Variants in PITPNM3 observed in about 807,000 individuals in gnomAD.
PITPNM3 encodes PITPNM family member 3.
PITPNM3 carries 26 observed loss-of-function variants against 102.0 expected under a neutral mutation model. The observed-to-expected ratio is 0.25, with a 90% CI of 0.19 to 0.35. The LOEUF (loss-of-function observed/expected upper bound fraction) is 0.35, where lower values mean the gene tolerates loss of function less well. Among genes scored for constraint, PITPNM3 ranks in the 10% least tolerant of loss-of-function variants. The pLI, the probability that PITPNM3 is intolerant of heterozygous loss-of-function variation, is 1.00. For missense variants in PITPNM3, 1,083 were observed against 1,346.1 expected (o/e 0.80, Z 3.06); for synonymous variants, 578 against 558.6 (o/e 1.03, Z -0.49).
chr17:6,553,276 A>G (rs1384040547), intron 1 of PITPNM3, among the ~76,000 whole-genome samples: 1 of 152,056 alleles, frequency 6.6e-6, no homozygotes, highest in African/African-American at 2.4e-5. Context: ...TGGGGCCACC[A>G]TAAATGATGC....
rs376994581 is a variant in PITPNM3, at chr17:6,454,066, G to T, written c.*1272C>A. The T allele has an allele frequency of 6.6e-6, 1 of 152,510 alleles. No individual in the cohort carries two copies. The highest frequency in any genetic ancestry group is 2.4e-5 in the African/African-American group (1 of 41,466). The allele number at this position is 152,510 out of a possible 1,614,324, so 9.4% of individuals were successfully genotyped here. On this transcript the variant is annotated 3_prime_UTR_variant, in exon 20 of 20. Coordinates refer to ENST00000262483, the MANE Select transcript of PITPNM3 (RefSeq NM_031220.4). ...TATGGGCACAAACTGAGCAGCAGGGGAAAGGGAAGAGAATACAACAGTTGG... is the reference window on the plus strand; with the variant it reads ...TATGGGCACAAACTGAGCAGCAGGGTAAAGGGAAGAGAATACAACAGTTGG...
At position 6,527,825 on chromosome 17, in the gene PITPNM3, G is replaced by A. The variant is rs143759449; in HGVS notation, c.119-2362C>T. Among the ~76,000 whole-genome samples, 652 of 152,280 alleles carry A rather than the reference G, an allele frequency of 4.3e-3. 6 individuals are homozygous for A. The highest frequency in any genetic ancestry group is 0.014 in the African/African-American group (599 of 41,558). On this transcript the variant is annotated intron_variant, in intron 2 of 19. Coordinates refer to ENST00000262483, the MANE Select transcript of PITPNM3 (RefSeq NM_031220.4). ...GCTAAGAGAGCCAGGTATGCAGCAG[G>A]CACTCAGCACATCCTAGCTTTCTTC...
intron 3 of PITPNM3, among the ~76,000 whole-genome samples, chr17:6,519,199 C>A (rs536257168): frequency 2.0e-3 from 67 of 33,120 alleles, no homozygotes; most frequent in South Asian, 3.1e-3. Context: ...TAGCCGGGCG[C>A]GGTGGCGGGC....
intron 2 of PITPNM3, among the ~76,000 whole-genome samples, chr17:6,528,446 G>A (rs1444957341): frequency 1.3e-5 from 2 of 152,066 alleles, no homozygotes; most frequent in African/African-American, 4.8e-5. Flanking sequence ...CTATGTGTGT[G>A]TGCACGTGTG....
chr17:6,538,473 A>G (rs1015980933), intron 1 of PITPNM3, among the ~76,000 whole-genome samples: 3 of 152,194 alleles, frequency 2.0e-5, no homozygotes, highest in African/African-American at 4.8e-5. Flanking sequence ...GTTGGAAGGG[A>G]GCTCTGCTCA....
Position 6,508,255 on chromosome 17 carries a change from C to T in PITPNM3, c.227-4681G>A, listed in dbSNP as rs532381576. Among the ~76,000 whole-genome samples the T allele has an allele frequency of 1.2e-3, 186 of 152,332 alleles. 1 individual carries two copies. The South Asian group carries it at 0.037, about 31-fold the overall frequency. ...GACTCCTCAAAGCCAGCCCTGAGTG[C>T]GGCCTCAGCTGCATAAGCCTTGAAG... On this transcript the variant is annotated intron_variant, in intron 3 of 19. Transcript: ENST00000262483.
At chr17:6,554,862 A>G (rs1473431778) in intron 1 of PITPNM3, among the ~76,000 whole-genome samples, 2 of 152,238 alleles carry the variant, frequency 1.3e-5, no homozygotes, top group Non-Finnish European at 2.9e-5. Flanking sequence ...ATCACGGTAC[A>G]GTAAAGAGCT....
chr17:6,495,630 C>A lies in PITPNM3; in HGVS notation c.274+7897G>T, dbSNP rs542246529. 6.8e-4 allele frequency among the ~76,000 whole-genome samples: 104 copies of A among 152,272 alleles called. 2 individuals are homozygous for A. In the South Asian group the frequency reaches 0.02, roughly 30 times the overall value. ...CTGGGTTCTGGGGTCCTCGTGCTCA[C>A]CGCTGTGGACGAAGGACCCCTTGCA... is the stretch of plus-strand genomic sequence containing the variant. On this transcript the variant is annotated intron_variant, in intron 4 of 19. Coordinates refer to ENST00000262483, the MANE Select transcript of PITPNM3 (RefSeq NM_031220.4).
chr17:6,540,550 T>A (rs1354763257), intron 1 of PITPNM3, among the ~76,000 whole-genome samples: 3 of 152,252 alleles, frequency 2.0e-5, no homozygotes, highest in African/African-American at 7.2e-5. Flanking sequence ...ATGTCTCCCT[T>A]TTATTATTGC....
At chr17:6,523,769 G>A (rs893120784) in intron 3 of PITPNM3, among the ~76,000 whole-genome samples, 1 of 152,248 alleles carries the variant, frequency 6.6e-6, no homozygotes, top group African/African-American at 2.4e-5. Flanking sequence ...CGACTGGTAA[G>A]TTGTCTCTGG....
At chr17:6,503,168 C>T (rs1597388588) in intron 4 of PITPNM3, among the ~76,000 whole-genome samples, 1 of 152,172 alleles carries the variant, frequency 6.6e-6, no homozygotes, top group South Asian at 2.1e-4. Flanking sequence ...TCCCCATCCC[C>T]GTCCTCCTCT....
Position 6,472,963 on chromosome 17 carries a change from G to A in PITPNM3, c.1259-136C>T, listed in dbSNP as rs1905134266. ...TCCCCGGGCTCCCTGCTCCCCACGG[G>A]AACAAAGCCATTACGTTCAGTTTGT... On this transcript the variant is annotated intron_variant, in intron 10 of 19. Coordinates refer to ENST00000262483, the MANE Select transcript of PITPNM3 (RefSeq NM_031220.4). This position sits in a 1 kb window ranked among gnomAD's most constrained non-coding sequence, Gnocchi z 4.1. 9.2e-7 allele frequency: 1 copy of A among 1,082,914 alleles called. No homozygotes were observed. The highest frequency in any genetic ancestry group is 1.6e-5 in the African/African-American group (1 of 63,682). The allele number at this position is 1,082,914 out of a possible 1,614,324, so 67.1% of individuals were successfully genotyped here. A position where few individuals can be genotyped will look rare whatever the true frequency, so the allele number is the denominator to read the frequency against.
chr17:6,534,849 TC>T (rs537995181), intron 2 of PITPNM3, among the ~76,000 whole-genome samples: 25 of 152,152 alleles, frequency 1.6e-4, no homozygotes, highest in Admixed American at 1.5e-3. Context: ...ATGCAGGAGC[TC>T]TCAGGGACAG....
At chr17:6,525,281 C>T in intron 3 of PITPNM3, 75 bp downstream of exon 3, 2 of 1,322,450 alleles carry the variant, frequency 1.5e-6, no homozygotes, top group Non-Finnish European at 1.1e-6. Flanking sequence ...GCCCCAGCCC[C>T]AGTCACCAGC....
intron 2 of PITPNM3, among the ~76,000 whole-genome samples, chr17:6,535,175 C>T (rs1272455845): frequency 2.6e-5 from 4 of 151,188 alleles, no homozygotes; most frequent in South Asian, 4.2e-4. Context: ...CATGCTCAAG[C>T]GGAAGACAGA....
chr17:6,512,132 G>A (rs1196412703), intron 3 of PITPNM3, among the ~76,000 whole-genome samples: 1 of 152,200 alleles, frequency 6.6e-6, no homozygotes, highest in East Asian at 1.9e-4. Context: ...CCCAAAGTGT[G>A]AGAAAGGATG....
At chr17:6,548,775 C>T (rs1910161710) in intron 1 of PITPNM3, among the ~76,000 whole-genome samples, 1 of 152,076 alleles carries the variant, frequency 6.6e-6, no homozygotes, top group Admixed American at 6.5e-5. Context: ...TCTGCAAATA[C>T]CCAGAGCCAG....
chr17:6,540,886 T>C (rs1909697112), intron 1 of PITPNM3, among the ~76,000 whole-genome samples: 1 of 152,322 alleles, frequency 6.6e-6, no homozygotes, highest in South Asian at 2.1e-4. Flanking sequence ...CTCGAACTCC[T>C]GACCTCAGGT....
At chr17:6,484,156 G>T in intron 5 of PITPNM3, 60 bp downstream of exon 5, 1 of 1,501,864 alleles carries the variant, frequency 6.7e-7, no homozygotes, top group Non-Finnish European at 9.2e-7. Flanking sequence ...TGATCCGAGG[G>T]CTCTTGCTAA....
Sources: allele counts gnomAD v4.1 joint callset (sites outside exome capture counted in the v4.1 genomes callset), GRCh38; gene constraint gnomAD v4.1.1; non-coding constraint Gnocchi (gnomAD v3.1); transcripts MANE v1.5; gene names NCBI Gene and HGNC (gene_info 2026-07-23, HGNC 2026-07-21).